COL10A1: variants seen among roughly 807,000 people sequenced by gnomAD.
The protein encoded by COL10A1 is collagen type X alpha 1 chain.
In COL10A1, 10 loss-of-function variants were observed where a neutral mutation model predicts 18.2. The observed-to-expected ratio is 0.55, with a 90% confidence interval of 0.34 to 0.93. COL10A1 has a LOEUF of 0.93. Among genes scored for constraint, COL10A1 ranks in the 40% least tolerant of loss-of-function variants. The probability of loss-of-function intolerance (pLI) is 0.02; values close to 1 mark genes in which losing one functional copy is unlikely to be tolerated. For synonymous variants in COL10A1, 330 were observed against 316.6 expected (o/e 1.04, Z -0.45); for missense variants, 897 against 853.5 (o/e 1.05, Z -0.64).
chr6:116,171,270 G>A, the COL10A1 span, among the ~76,000 whole-genome samples: 36 of 151,976 alleles, frequency 2.4e-4, no homozygotes, highest in African/African-American at 7.7e-4. Flanking sequence ...ATTATTTTAC[G>A]AAGAATACAC....
chr6:116,140,713 T>G (rs928340207), intron 1 of COL10A1, among the ~76,000 whole-genome samples: 48 of 152,254 alleles, frequency 3.2e-4, no homozygotes, highest in Admixed American at 2.5e-3. Context: ...GTTTTTAAAT[T>G]ATATATTTAA....
At chr6:116,210,411 T>A in the COL10A1 span, among the ~76,000 whole-genome samples, 1 of 151,372 alleles carries the variant, frequency 6.6e-6, no homozygotes, top group Non-Finnish European at 1.5e-5. Context: ...GTAGTTACCA[T>A]AGAGTCCCCA....
In COL10A1 at chr6:116,120,031, A is replaced by G; in HGVS notation, c.*42T>C. 6.5e-7 allele frequency: 1 copy of G among 1,536,210 alleles called. No individual in the cohort carries two copies. ...TTGTAGGGTGGGGTAGAGTTAGAGAATGCTTTTTCTAGCACAAGATTTAGA... is the reference window on the plus strand; with the variant it reads ...TTGTAGGGTGGGGTAGAGTTAGAGAGTGCTTTTTCTAGCACAAGATTTAGA... On this transcript the variant is annotated 3_prime_UTR_variant, in exon 3 of 3. Coordinates refer to ENST00000651968, the MANE Select transcript of COL10A1 (RefSeq NM_000493.4).
chr6:116,121,339 C>T lies in COL10A1; in HGVS notation c.777G>A (p.Gly259=). The change falls in exon 3 of 3, where the codon GGG becomes GGA. Residue 259 remains glycine (G), a synonymous_variant. Transcript: ENST00000651968. ...CTCCTGGCTTTCCAATGCCTTCTGG[C>T]CCTCGTTCCCCAGGAGGGCCTTGGG... ...PGPQGPPGER[G]PEGIGKPGAA... The T allele has an allele frequency of 3.7e-6, 6 of 1,614,068 alleles. No homozygotes were observed. The highest frequency in any genetic ancestry group is 5.1e-6 in the Non-Finnish European group (6 of 1,179,970).
the COL10A1 span, among the ~76,000 whole-genome samples, chr6:116,204,366 A>G: frequency 1.3e-5 from 2 of 152,010 alleles, no homozygotes; most frequent in African/African-American, 4.8e-5. Flanking sequence ...GAAAGATTCA[A>G]AAAGATGCAC....
At chr6:116,131,317 T>C (rs1779457730) in intron 1 of COL10A1, among the ~76,000 whole-genome samples, 1 of 152,216 alleles carries the variant, frequency 6.6e-6, no homozygotes, top group Admixed American at 6.5e-5. Context: ...TACTGACCTA[T>C]CCACCCTGTG....
Position 116,120,576 on chromosome 6 carries a change from C to T in COL10A1, c.1540G>A (p.Gly514Ser). 1 of 1,601,590 alleles carries T rather than the reference C, an allele frequency of 6.2e-7. No homozygotes were observed. The highest frequency in any genetic ancestry group is 8.5e-7 in the Non-Finnish European group (1 of 1,174,828). The part of the protein sequence containing the change: ...PGLPGPPGPP[G>S]PPGQAVMPEG... ...GGCATGACTGCTTGACCTGGTGGGC[C>T]TGGAGGCCCAGGGGGCCCTGGAAGA... Residue 514 changes from glycine to serine, a missense_variant, in exon 3 of 3, where the codon GGC becomes AGC. Physicochemically the swap from Gly to Ser is moderately conservative, Grantham distance 56. Transcript: ENST00000651968.
upstream of COL10A1, among the ~76,000 whole-genome samples, chr6:116,130,479 T>C (rs777483536): frequency 6.6e-5 from 10 of 152,020 alleles, no homozygotes; most frequent in Admixed American, 6.6e-4. Context: ...CCTTCTAATG[T>C]TTTGTACCTT....
At chr6:116,143,056 A>G (rs34224224) in intron 1 of COL10A1, among the ~76,000 whole-genome samples, 1 of 152,088 alleles carries the variant, frequency 6.6e-6, no homozygotes. Context: ...CTTACTAGGA[A>G]ATTCCTGGAG....
intron 1 of COL10A1, among the ~76,000 whole-genome samples, chr6:116,156,693 C>G (rs1189965690): frequency 6.6e-6 from 1 of 152,186 alleles, no homozygotes; most frequent in African/African-American, 2.4e-5. Flanking sequence ...TGCAGATATT[C>G]TTATTGTACT....
Position 116,121,111 on chromosome 6 carries a change from A to G in COL10A1, c.1005T>C (p.Gly335=). The G allele has an allele frequency of 6.2e-7, 1 of 1,613,640 alleles. No individual in the cohort carries two copies. The highest frequency in any genetic ancestry group is 8.5e-7 in the Non-Finnish European group (1 of 1,179,774). ...QGPAGLPGKP[G]LTGPPGNMGP... is the part of the protein sequence containing the mutation. ...CCATATTCCCAGGGGGTCCAGTCAGACCTGGCTTCCCAGGAAGACCTGCTG... is the reference window on the plus strand; with the variant it reads ...CCATATTCCCAGGGGGTCCAGTCAGGCCTGGCTTCCCAGGAAGACCTGCTG... Residue 335 remains glycine (G), a synonymous_variant, in exon 3 of 3, where the codon GGT becomes GGC. Coordinates refer to ENST00000651968, the MANE Select transcript of COL10A1 (RefSeq NM_000493.4).
the COL10A1 span, among the ~76,000 whole-genome samples, chr6:116,208,883 AAT>A: frequency 6.6e-6 from 1 of 151,990 alleles, no homozygotes; most frequent in African/African-American, 2.4e-5. Flanking sequence ...AGAATATACT[AAT>A]AGAGAACCCA....
chr6:116,129,860 G>A (rs1423124378), upstream of COL10A1, among the ~76,000 whole-genome samples: 2 of 152,264 alleles, frequency 1.3e-5, no homozygotes, highest in African/African-American at 4.8e-5. Flanking sequence ...ACTTGCTACT[G>A]TGGAGATTGG....
chr6:116,125,865 A>G, intron 1 of COL10A1, 188 bp downstream of exon 1: 1 of 207,276 alleles, frequency 4.8e-6, no homozygotes, highest in East Asian at 1.3e-4. Flanking sequence ...AATTTTTACA[A>G]TATGGTTTTA....
At chr6:116,198,705 G>A in the COL10A1 span, among the ~76,000 whole-genome samples, 1 of 151,860 alleles carries the variant, frequency 6.6e-6, no homozygotes, top group African/African-American at 2.4e-5. Flanking sequence ...CTCCAGCCTG[G>A]GCAACAGGGG....
chr6:116,182,235 G>GTGTGTGTGTGTGTA, the COL10A1 span, among the ~76,000 whole-genome samples: 23,275 of 151,322 alleles, frequency 0.15, 1,948 homozygotes, highest in East Asian at 0.23. Flanking sequence ...GTGTGTGTGT[G>GTGTGTGTGTGTGTA]TGTGTGTGTG....
At chr6:116,204,063 C>G in the COL10A1 span, among the ~76,000 whole-genome samples, 1 of 151,794 alleles carries the variant, frequency 6.6e-6, no homozygotes, top group Non-Finnish European at 1.5e-5. Flanking sequence ...ACCCAGCTCA[C>G]TTTGGGCAGT....
At chr6:116,122,456 A>G (rs1232158352) in intron 2 of COL10A1, among the ~76,000 whole-genome samples, 1 of 152,174 alleles carries the variant, frequency 6.6e-6, no homozygotes, top group African/African-American at 2.4e-5. Context: ...TGGTTGATTT[A>G]CTTTTACCTC....
At chr6:116,141,326 G>A (rs897132225) in intron 1 of COL10A1, among the ~76,000 whole-genome samples, 5 of 149,864 alleles carry the variant, frequency 3.3e-5, no homozygotes, top group Admixed American at 6.7e-5. Context: ...ATTTATTTTC[G>A]TTAGTTATAT....
Sources: allele counts gnomAD v4.1 joint callset (sites outside exome capture counted in the v4.1 genomes callset), GRCh38; gene constraint gnomAD v4.1.1; transcripts MANE v1.5; gene names NCBI Gene and HGNC (gene_info 2026-07-23, HGNC 2026-07-21).